The following PIP4K2C variants were observed in gnomAD, a reference collection of about 807,000 sequenced individuals.
PIP4K2C encodes phosphatidylinositol-5-phosphate 4-kinase type 2 gamma.
PIP4K2C carries 21 observed loss-of-function variants against 45.0 expected under a neutral mutation model. That is an observed-to-expected ratio of 0.47 (90% CI 0.33 to 0.67). The LOEUF (loss-of-function observed/expected upper bound fraction) is 0.67, where lower values mean the gene tolerates loss of function less well. Among genes scored for constraint, PIP4K2C ranks in the 30% least tolerant of loss-of-function variants. The probability of loss-of-function intolerance (pLI) is 0.02; values close to 1 mark genes in which losing one functional copy is unlikely to be tolerated. For missense variants in PIP4K2C, 456 were observed against 542.8 expected, an observed-to-expected ratio of 0.84 and a Z score of 1.59; for synonymous variants, 201 against 204.8, an observed-to-expected ratio of 0.98 and a Z score of 0.16.
At chr12:57,593,962 A>T in intron 1 of PIP4K2C, 63 bp from the exon 2 acceptor site, 1 of 1,222,386 alleles carries the variant, frequency 8.2e-7, no homozygotes, top group Non-Finnish European at 1.2e-6. Flanking sequence ...GCCCAGACAC[A>T]GTGTATGGGT....
chr12:57,598,524 CAAAAAA>C (rs57982410), intron 4 of PIP4K2C, among the ~76,000 whole-genome samples: 1 of 75,714 alleles, frequency 1.3e-5, no homozygotes. Context: ...ACTCCATCTC[CAAAAAA>C]AAAAAAAAAA....
Position 57,600,853 on chromosome 12 carries a change from G to A in PIP4K2C, c.856G>A (p.Gly286Ser), listed in dbSNP as rs749520253. ...GATCATGGACTACAGCCTTCTGCTA[G>A]GCATCCACGACATCATTCGGGGCTC... Reference protein sequence around the residue: ...LKIMDYSLLLGIHDIIRGSEP... With the variant: ...LKIMDYSLLLSIHDIIRGSEP... Residue 286 changes from glycine (G) to serine (S), a missense_variant, in exon 8 of 10, where the codon GGC (glycine) becomes AGC (serine). By Grantham distance (56) the Gly-to-Ser change is moderately conservative. Coordinates refer to ENST00000354947, the MANE Select transcript of PIP4K2C (RefSeq NM_024779.5). The A allele has an allele frequency of 6.2e-7, 1 of 1,614,212 alleles. No individual in the cohort carries two copies.
intron 4 of PIP4K2C, among the ~76,000 whole-genome samples, chr12:57,598,525 A>T (rs1287024668): frequency 9.1e-3 from 28 of 3,088 alleles, no homozygotes; most frequent in Non-Finnish European, 0.089. Flanking sequence ...CTCCATCTCC[A>T]AAAAAAAAAA....
chr12:57,601,879 C>T lies in PIP4K2C; in HGVS notation c.*273C>T, dbSNP rs185138251. ...TAGAATGTTATTGTTGACTCTCTCC[C>T]AAGTGCCTTGATCTTTGTAATATCT... On this transcript the variant is annotated 3_prime_UTR_variant, in exon 10 of 10. Coordinates refer to ENST00000354947, the MANE Select transcript of PIP4K2C (RefSeq NM_024779.5). 9.0e-4 allele frequency: 424 copies of T among 472,432 alleles called. 1 individual carries two copies. Among genetic ancestry groups the T allele is most frequent in the African/African-American group, 6.1e-3 (313 of 51,182 alleles). 29.3% of individuals were successfully genotyped at this position (472,432 alleles called of 1,614,324 possible).
intron 4 of PIP4K2C, 91 bp downstream of exon 4, chr12:57,596,122 A>G: frequency 7.0e-7 from 1 of 1,426,140 alleles, no homozygotes; most frequent in Non-Finnish European, 9.7e-7. Flanking sequence ...ACTGGGGAGA[A>G]AACTCATTGG....
chr12:57,598,973 C>T (rs2140190693), intron 4 of PIP4K2C, 92 bp from the exon 5 acceptor site: 1 of 1,389,630 alleles, frequency 7.2e-7, no homozygotes, highest in East Asian at 2.3e-5. Context: ...GTCCTCTGCT[C>T]TACCCTGGAA....
rs758493473 is a variant in PIP4K2C, at chr12:57,600,954, T to C, written c.957T>C (p.Pro319=). ...GGGACTGCAGCCTGACTGGACCTCC[T>C]GCTCTGGTGGGCTCCTATGGCACCT... The part of the protein sequence containing the change: ...VDGDCSLTGP[P]ALVGSYGTSP... The change falls in exon 8 of 10, where the codon CCT becomes CCC. Residue 319 remains proline, a synonymous_variant. Transcript: ENST00000354947. 1 of 1,614,204 alleles carries C rather than the reference T, an allele frequency of 6.2e-7. No homozygotes were observed. Among genetic ancestry groups the C allele is most frequent in the Admixed American group, 1.7e-5 (1 of 60,034 alleles).
intron 2 of PIP4K2C, 24 bp downstream of exon 2, chr12:57,594,146 T>G: frequency 6.4e-7 from 1 of 1,564,490 alleles, no homozygotes; most frequent in Non-Finnish European, 8.7e-7. Context: ...CTTGCCATTC[T>G]CATGTCAACC....
chr12:57,599,103 G>A lies in PIP4K2C; in HGVS notation c.552G>A (p.Gln184=). The change falls in exon 5 of 10, where the codon CAG becomes CAA. Residue 184 remains glutamine (Q), a synonymous_variant. Coordinates refer to ENST00000354947, the MANE Select transcript of PIP4K2C (RefSeq NM_024779.5). ...GCCATGGCAACACGCTTCTGCCCCA[G>A]TTCCTGGGGATGTACCGAGTCAGTG... is the stretch of plus-strand genomic sequence containing the variant. The part of the protein sequence containing the change: ...VKCHGNTLLP[Q]FLGMYRVSVD... 1 of 1,614,194 alleles carries A rather than the reference G, an allele frequency of 6.2e-7. No homozygotes were observed. The highest frequency in any genetic ancestry group is 8.5e-7 in the Non-Finnish European group (1 of 1,180,026).
At chr12:57,596,170 A>G in intron 4 of PIP4K2C, 139 bp downstream of exon 4, 1 of 1,089,604 alleles carries the variant, frequency 9.2e-7, no homozygotes, top group Non-Finnish European at 1.3e-6. Flanking sequence ...CCTAAATGGG[A>G]TGAGGGAAGC....
rs1349534685 is a variant in PIP4K2C at position 57,601,620 on chromosome 12, T to A, written c.*14T>A. The A allele has an allele frequency of 1.9e-6, 3 of 1,589,010 alleles. No homozygotes were observed. Among genetic ancestry groups the A allele is most frequent in the African/African-American group, 2.7e-5 (2 of 74,348 alleles). ...ATCTTTGCCTAAGAGACTGCCTGGT[T>A]CTCTCTGATGTTCAAGGTGGTGGGG... On this transcript the variant is annotated 3_prime_UTR_variant, in exon 10 of 10. Coordinates refer to ENST00000354947, the MANE Select transcript of PIP4K2C (RefSeq NM_024779.5).
rs761121139 is a variant in PIP4K2C at position 57,595,100 on chromosome 12, TCTTA to T, written c.273-22_273-19del. 169 of 1,420,918 alleles carry T rather than the reference TCTTA, an allele frequency of 1.2e-4. 3 individuals carry two copies. In the South Asian group the frequency reaches 1.9e-3, roughly 16 times the overall value. 88.0% of individuals were successfully genotyped at this position (1,420,918 alleles called of 1,614,324 possible). A position where few individuals can be genotyped will look rare whatever the true frequency, so the allele number is the denominator to read the frequency against. On this transcript the variant is annotated intron_variant, in intron 2 of 9. Coordinates refer to ENST00000354947, the MANE Select transcript of PIP4K2C (RefSeq NM_024779.5). Reference sequence around the variant, plus strand: ...TATGTAAATGTAATATTGTTTGTTTTCTTACTTTGAAAACCTGAATTTCAGGGAA... The same window carrying T: ...TATGTAAATGTAATATTGTTTGTTTTCTTTGAAAACCTGAATTTCAGGGAA...
chr12:57,596,888 T>C (rs1399246081), intron 4 of PIP4K2C, among the ~76,000 whole-genome samples: 1 of 152,094 alleles, frequency 6.6e-6, no homozygotes, highest in East Asian at 1.9e-4. Context: ...TAAAGAGAGT[T>C]TTTTAGAGGA....
chr12:57,601,691 T>G lies in PIP4K2C; in HGVS notation c.*85T>G. The G allele has an allele frequency of 3.3e-6, 4 of 1,210,790 alleles. No homozygotes were observed. The Admixed American group carries it at 5.1e-5, about 15-fold the overall frequency. 75.0% of individuals were successfully genotyped at this position (1,210,790 alleles called of 1,614,324 possible). The stretch of plus-strand genomic sequence containing the variant: ...TTGTGGGGATATTCTAGCCACCAGT[T>G]CTCTTCTTCCTTTGCTAAATTCAGG... On this transcript the variant is annotated 3_prime_UTR_variant, in exon 10 of 10. Transcript: ENST00000354947.
At chr12:57,593,348 G>T (rs1242844733) in intron 1 of PIP4K2C, among the ~76,000 whole-genome samples, 1 of 152,152 alleles carries the variant, frequency 6.6e-6, no homozygotes, top group Non-Finnish European at 1.5e-5. Context: ...TGTGATGCTT[G>T]TGTCCTTTGG....
In PIP4K2C at chr12:57,591,251, C is replaced by A. The variant is rs532226150; in HGVS notation, c.-39C>A. On this transcript the variant is annotated 5_prime_UTR_variant, in exon 1 of 10. Transcript: ENST00000354947. ...CCGGGGTCGGGCGCCTGGATAGCTG[C>A]CGGCTCCGGCTTCCACTTGGTCGGT... 1 of 1,567,480 alleles carries A rather than the reference C, an allele frequency of 6.4e-7. No homozygotes were observed. Among genetic ancestry groups the A allele is most frequent in the African/African-American group, 1.4e-5 (1 of 73,310 alleles).
chr12:57,595,702 CAAAAAA>C (rs67101543), intron 3 of PIP4K2C, among the ~76,000 whole-genome samples, 180 bp from the exon 4 acceptor site: 1 of 101,540 alleles, frequency 9.8e-6, no homozygotes, highest in Non-Finnish European at 2.1e-5. Flanking sequence ...GACTCCTTGT[CAAAAAA>C]AAAAAAAAAA....
intron 6 of PIP4K2C, 34 bp from the exon 7 acceptor site, chr12:57,600,290 T>C (rs748431726): frequency 2.3e-5 from 32 of 1,383,986 alleles, no homozygotes; most frequent in Non-Finnish European, 3.0e-5. Flanking sequence ...GGGGAAGGGA[T>C]ATGTTCCCAA....
chr12:57,601,369 T>A, intron 9 of PIP4K2C, 21 bp downstream of exon 9: 2 of 1,592,314 alleles, frequency 1.3e-6, no homozygotes, highest in Non-Finnish European at 1.7e-6. Flanking sequence ...GCAAAAGCCT[T>A]TCCTTTCCTG....
Sources: allele counts gnomAD v4.1 joint callset (sites outside exome capture counted in the v4.1 genomes callset), GRCh38; gene constraint gnomAD v4.1.1; transcripts MANE v1.5; gene names NCBI Gene and HGNC (gene_info 2026-07-23, HGNC 2026-07-21).